The following SLC3A1 variants were observed in gnomAD, a reference collection of about 807,000 sequenced individuals.
The protein encoded by SLC3A1 is amino acid transporter heavy chain SLC3A1.
A neutral mutation model predicts 60.3 loss-of-function variants in SLC3A1; 78 were observed. The observed-to-expected ratio is 1.29, with a 90% confidence interval of 1.08 to 1.56. SLC3A1 has a LOEUF of 1.56. Among genes scored for constraint, SLC3A1 ranks in the 40% most tolerant of loss-of-function variants. The pLI, the probability that SLC3A1 is intolerant of heterozygous loss-of-function variation, is 0.00. For missense variants in SLC3A1, 1,172 were observed against 858.9 expected (o/e 1.36, Z -4.56); for synonymous variants, 392 against 307.9 (o/e 1.27, Z -2.86).
In SLC3A1 at chr2:44,320,754, G is replaced by T; in HGVS notation, c.*115G>T. ...CAATCATTAATTCTTCGATATTTCT[G>T]TAGCTTGAATGTAACTGCTTTAAGA... is the stretch of plus-strand genomic sequence containing the variant. On this transcript the variant is annotated 3_prime_UTR_variant, in exon 10 of 10. Coordinates refer to ENST00000260649, the MANE Select transcript of SLC3A1 (RefSeq NM_000341.4). 1 of 875,860 alleles carries T rather than the reference G, an allele frequency of 1.1e-6. No homozygotes were observed. Among genetic ancestry groups the T allele is most frequent in the Admixed American group, 1.9e-5 (1 of 51,326 alleles). The allele number at this position is 875,860 out of a possible 1,614,324, so 54.3% of individuals were successfully genotyped here.
At position 44,281,470 on chromosome 2, in the gene SLC3A1, A is replaced by G; in HGVS notation, c.694A>G (p.Lys232Glu). The change falls in exon 3 of 10, where the codon AAA becomes GAA. Residue 232 changes from lysine to glutamate, a missense_variant. By Grantham distance (56) the Lys-to-Glu change is moderately conservative. Coordinates refer to ENST00000260649, the MANE Select transcript of SLC3A1 (RefSeq NM_000341.4). The part of the protein sequence containing the change: ...WFQLSRTRTG[K>E]YTDYYIWHDC... ...TCAATTGAGTCGGACACGGACAGGA[A>G]AATATACTGATTATTATATCTGGCA... The G allele has an allele frequency of 1.2e-6, 2 of 1,613,962 alleles. No individual in the cohort carries two copies. Among genetic ancestry groups the G allele is most frequent in the Non-Finnish European group, 1.7e-6 (2 of 1,179,788 alleles).
chr2:44,303,755 G>A (rs113083661), intron 6 of SLC3A1: 4,455 of 354,104 alleles, frequency 0.013, 47 homozygotes, highest in Middle Eastern at 0.023. Context: ...GACAGGCCCC[G>A]GTGTGTGATG....
chr2:44,316,724 T>C (rs1043182490), intron 9 of SLC3A1, among the ~76,000 whole-genome samples: 1 of 152,174 alleles, frequency 6.6e-6, no homozygotes, highest in Non-Finnish European at 1.5e-5. Context: ...GACTTCTCAA[T>C]TGGATACTAC....
At chr2:44,318,297 G>A (rs1217339994) in intron 9 of SLC3A1, 1 of 260,538 alleles carries the variant, frequency 3.8e-6, no homozygotes, top group Non-Finnish European at 7.8e-6. Flanking sequence ...TCACCATGTT[G>A]GCCAGGCTGG....
Position 44,320,467 on chromosome 2 carries a change from A to T in SLC3A1, c.1886A>T (p.Lys629Ile). Reference sequence around the variant, plus strand: ...AGGTTAAGTACCAATTCTGCCGACAAAGGCAGTAAAGTTGATACAAGTGGC... The same window carrying T: ...AGGTTAAGTACCAATTCTGCCGACATAGGCAGTAAAGTTGATACAAGTGGC... ...RIRLSTNSAD[K>I]GSKVDTSGIF... is the part of the protein sequence containing the mutation. Residue 629 changes from lysine to isoleucine, a missense_variant, in exon 10 of 10, where the codon AAA becomes ATA. Transcript: ENST00000260649. 6.2e-7 allele frequency: 1 copy of T among 1,614,166 alleles called. No homozygotes were observed. The highest frequency in any genetic ancestry group is 1.1e-5 in the South Asian group (1 of 91,088).
intron 7 of SLC3A1, among the ~76,000 whole-genome samples, chr2:44,304,840 T>TTTTTTTA (rs1491044298): frequency 7.7e-6 from 1 of 129,622 alleles, no homozygotes; most frequent in African/African-American, 3.3e-5. Flanking sequence ...TTTTTTTTTT[T>TTTTTTTA]GAGACAGGGG....
chr2:44,288,495 T>G (rs1362678228), intron 4 of SLC3A1, among the ~76,000 whole-genome samples: 1 of 152,020 alleles, frequency 6.6e-6, no homozygotes, highest in Non-Finnish European at 1.5e-5. Flanking sequence ...TTCTGGACAC[T>G]TTGTACAACA....
At chr2:44,313,255 T>C (rs1397956210) in intron 8 of SLC3A1, among the ~76,000 whole-genome samples, 1 of 152,220 alleles carries the variant, frequency 6.6e-6, no homozygotes, top group Non-Finnish European at 1.5e-5. Context: ...AGTTTTTATT[T>C]TGTAGCTACA....
intron 9 of SLC3A1, among the ~76,000 whole-genome samples, chr2:44,316,879 C>A (rs1170853313): frequency 6.6e-6 from 1 of 152,006 alleles, no homozygotes; most frequent in Non-Finnish European, 1.5e-5. Flanking sequence ...GACTATCCAA[C>A]AAAACATAAC....
At chr2:44,283,006 G>C (rs144793340) in intron 3 of SLC3A1, among the ~76,000 whole-genome samples, 8 of 152,156 alleles carry the variant, frequency 5.3e-5, no homozygotes, top group Non-Finnish European at 7.4e-5. Context: ...TCTGAATTCA[G>C]ATGTAACTGG....
chr2:44,312,745 T>C lies in SLC3A1; in HGVS notation c.1492T>C (p.Tyr498His). 1 of 1,612,802 alleles carries C rather than the reference T, an allele frequency of 6.2e-7. No individual in the cohort carries two copies. The highest frequency in any genetic ancestry group is 8.5e-7 in the Non-Finnish European group (1 of 1,178,954). Residue 498 changes from tyrosine to histidine, a missense_variant, in exon 8 of 10, where the codon TAT becomes CAT. Transcript: ENST00000260649. The part of the protein sequence containing the change: ...NIVAANLNES[Y>H]DINTLRSKSP... The stretch of plus-strand genomic sequence containing the variant: ...TGTAGCCGCAAATCTCAATGAAAGC[T>C]ATGATATTGTAAGTTGAATACAACT...
At chr2:44,290,045 T>C (rs1467996536) in intron 4 of SLC3A1, among the ~76,000 whole-genome samples, 3 of 152,146 alleles carry the variant, frequency 2.0e-5, no homozygotes, top group African/African-American at 7.2e-5. Context: ...AGTTTCACAG[T>C]TTTAGTCTTA....
At position 44,312,633 on chromosome 2, in the gene SLC3A1, G is replaced by C; in HGVS notation, c.1380G>C (p.Gln460His). ...GGCTGACTTCGCGTTTGGGGAATCA[G>C]TATGTCAACGTGATGAACATGCTTC... Reference protein sequence around the residue: ...SSRLTSRLGNQYVNVMNMLLF... With the variant: ...SSRLTSRLGNHYVNVMNMLLF... Residue 460 changes from glutamine to histidine, a missense_variant, in exon 8 of 10, where the codon CAG becomes CAC. Physicochemically the swap from Gln to His is conservative, Grantham distance 24 (BLOSUM62 0). Coordinates refer to ENST00000260649, the MANE Select transcript of SLC3A1 (RefSeq NM_000341.4). 6.2e-7 allele frequency: 1 copy of C among 1,613,948 alleles called. No homozygotes were observed. The highest frequency in any genetic ancestry group is 8.5e-7 in the Non-Finnish European group (1 of 1,179,862).
intron 4 of SLC3A1, among the ~76,000 whole-genome samples, chr2:44,289,270 G>A (rs896646180): frequency 6.6e-6 from 1 of 151,512 alleles, no homozygotes; most frequent in African/African-American, 2.4e-5. Flanking sequence ...GAGTGCAGTG[G>A]CGTGATCTCG....
intron 4 of SLC3A1, among the ~76,000 whole-genome samples, chr2:44,298,741 G>C (rs1414909358): frequency 6.6e-6 from 1 of 152,124 alleles, no homozygotes; most frequent in Non-Finnish European, 1.5e-5. Flanking sequence ...AAAATGCCTG[G>C]GAACAAGGCA....
At chr2:44,304,648 G>A (rs1239317050) in intron 7 of SLC3A1, among the ~76,000 whole-genome samples, 1 of 152,070 alleles carries the variant, frequency 6.6e-6, no homozygotes, top group African/African-American at 2.4e-5. Context: ...TCAATGGGAA[G>A]AAAGAGGATT....
chr2:44,275,893 G>A lies in SLC3A1; in HGVS notation c.358G>A (p.Glu120Lys). ...LSPKCLDWWQ[E>K]GPMYQIYPRS... is the part of the protein sequence containing the mutation. ...TCCAAAGTGCCTAGACTGGTGGCAG[G>A]AGGGGCCCATGTACCAGATCTACCC... is the stretch of plus-strand genomic sequence containing the variant. Residue 120 changes from glutamate to lysine, a missense_variant, in exon 1 of 10, where the codon GAG becomes AAG. Coordinates refer to ENST00000260649, the MANE Select transcript of SLC3A1 (RefSeq NM_000341.4). 1.2e-6 allele frequency: 2 copies of A among 1,614,240 alleles called. No homozygotes were observed. The highest frequency in any genetic ancestry group is 4.5e-5 in the East Asian group (2 of 44,890).
chr2:44,284,729 G>T (rs1671576465), intron 3 of SLC3A1, among the ~76,000 whole-genome samples: 1 of 151,832 alleles, frequency 6.6e-6, no homozygotes, highest in Non-Finnish European at 1.5e-5. Flanking sequence ...ATGTGTGGCT[G>T]AGTTTTTTTA....
chr2:44,309,375 C>A (rs1182246293), intron 7 of SLC3A1, among the ~76,000 whole-genome samples: 2 of 152,214 alleles, frequency 1.3e-5, no homozygotes, highest in African/African-American at 4.8e-5. Context: ...TTCATACATA[C>A]AATAGCATGT....
Sources: allele counts gnomAD v4.1 joint callset (sites outside exome capture counted in the v4.1 genomes callset), GRCh38; gene constraint gnomAD v4.1.1; transcripts MANE v1.5; gene names NCBI Gene and HGNC (gene_info 2026-07-23, HGNC 2026-07-21).